Variants in HDAC9 observed in about 807,000 individuals in gnomAD.
The protein encoded by HDAC9 is MEF-2 interacting transcription repressor (MITR) protein.
HDAC9 carries 41 observed loss-of-function variants against 139.4 expected under a neutral mutation model. The ratio of observed to expected loss-of-function variants is 0.29; its 90% CI spans 0.23 to 0.38. HDAC9 has a LOEUF of 0.38. HDAC9 is among the 10% of genes least tolerant of loss of function. HDAC9 has a pLI of 1.00. For missense variants in HDAC9, 1,147 were observed against 1,297.0 expected (o/e 0.88, Z 1.78); for synonymous variants, 517 against 476.2 (o/e 1.09, Z -1.12).
In HDAC9 at chr7:18,647,939, C is replaced by A. The variant is rs767117195; in HGVS notation, c.1190C>A (p.Ala397Asp). Residue 397 changes from alanine (A) to aspartate (D), a missense_variant, in exon 10 of 26, where the codon GCT (alanine) becomes GAT (aspartate). Coordinates refer to ENST00000686413, the MANE Select transcript of HDAC9 (RefSeq NM_178425.4). Reference sequence around the variant, plus strand: ...AAGCCACCCAACAGCAGCCACCAGGCTCTCCTGCAGCATTTATTATTGAAA... The same window carrying A: ...AAGCCACCCAACAGCAGCCACCAGGATCTCCTGCAGCATTTATTATTGAAA... ...EGKPPNSSHQ[A>D]LLQHLLLKEQ... The A allele has an allele frequency of 1.2e-6, 2 of 1,612,584 alleles. No homozygotes were observed. Among genetic ancestry groups the A allele is most frequent in the African/African-American group, 1.3e-5 (1 of 74,906 alleles).
intron 22 of HDAC9, among the ~76,000 whole-genome samples, chr7:18,886,427 T>A (rs572829459): frequency 6.6e-6 from 1 of 152,240 alleles, no homozygotes; most frequent in Non-Finnish European, 1.5e-5. Flanking sequence ...CTGCAGCTAA[T>A]GTGTACTGTA....
At chr7:18,793,595 GATA>G (rs974320972) in intron 17 of HDAC9, 143 bp downstream of exon 17, 5 of 666,026 alleles carry the variant, frequency 7.5e-6, no homozygotes, top group African/African-American at 1.8e-5. Flanking sequence ...ACTAAGGTGT[GATA>G]ATAACTCATC....
chr7:18,559,533 G>T (rs1310596305), intron 2 of HDAC9, among the ~76,000 whole-genome samples: 1 of 152,142 alleles, frequency 6.6e-6, no homozygotes, highest in Non-Finnish European at 1.5e-5. Context: ...TAGGGACATG[G>T]AAGATACTGA....
At chr7:18,354,082 C>G (rs115819569) in intron 1 of HDAC9, among the ~76,000 whole-genome samples, 347 of 151,960 alleles carry the variant, frequency 2.3e-3, no homozygotes, top group African/African-American at 7.9e-3. Context: ...AAAAAAAGCA[C>G]TAAAAAGAAA....
chr7:18,312,180 A>G (rs2128626101), intron 1 of HDAC9, among the ~76,000 whole-genome samples: 1 of 152,274 alleles, frequency 6.6e-6, no homozygotes, highest in South Asian at 2.1e-4. Flanking sequence ...TTTAAATGTG[A>G]TTTAAAAATA....
At chr7:18,725,774 C>T (rs1785497264) in intron 12 of HDAC9, among the ~76,000 whole-genome samples, 1 of 152,112 alleles carries the variant, frequency 6.6e-6, no homozygotes, top group African/African-American at 2.4e-5. Flanking sequence ...ACAGTGAGTT[C>T]CATATGAGGA....
At chr7:18,893,812 C>T (rs1039134211) in intron 22 of HDAC9, among the ~76,000 whole-genome samples, 2 of 152,072 alleles carry the variant, frequency 1.3e-5, no homozygotes, top group Non-Finnish European at 2.9e-5. Context: ...CAGAAATGGC[C>T]TCACTTATAA....
intron 1 of HDAC9, among the ~76,000 whole-genome samples, chr7:18,435,887 G>A (rs977454751): frequency 1.3e-5 from 2 of 148,540 alleles, no homozygotes; most frequent in Admixed American, 6.8e-5. Context: ...ATATATATAT[G>A]TGTATATATA....
intron 1 of HDAC9, among the ~76,000 whole-genome samples, chr7:18,383,081 TA>T (rs890179871): frequency 2.7e-4 from 41 of 152,362 alleles, no homozygotes; most frequent in African/African-American, 8.4e-4. Context: ...AACAAGTTTT[TA>T]AGGAAACTTG....
chr7:18,933,933 A>T (rs1563068081), intron 22 of HDAC9, among the ~76,000 whole-genome samples: 1 of 152,120 alleles, frequency 6.6e-6, no homozygotes, highest in Non-Finnish European at 1.5e-5. Flanking sequence ...GAAGAGGGAA[A>T]GTCTGGAAGA....
intron 1 of HDAC9, among the ~76,000 whole-genome samples, chr7:18,351,692 A>G (rs950548183): frequency 6.6e-6 from 1 of 152,208 alleles, no homozygotes; most frequent in Non-Finnish European, 1.5e-5. Context: ...AAGGTGAATG[A>G]TAGTAAAACT....
chr7:18,744,086 G>A (rs974702892), intron 13 of HDAC9, among the ~76,000 whole-genome samples: 1 of 147,794 alleles, frequency 6.8e-6, no homozygotes, highest in Non-Finnish European at 1.5e-5. Context: ...GCACTCCCAG[G>A]TTCAAGCGAT....
Position 18,168,897 on chromosome 7 carries a change from T to TTGTG in HDAC9, c.25+6575_25+6578dup, listed in dbSNP as rs1201294435. On this transcript the variant is annotated intron_variant, in intron 2 of 12. Coordinates refer to the HDAC9 transcript ENST00000417496. ...ATGTCTTGTTTTTTTTTTTTTTTTT[T>TTGTG]TGTGTGTGTGTGTGTGTGTGTGTGT... Among the ~76,000 whole-genome samples the TTGTG allele has an allele frequency of 4.3e-3, 407 of 94,294 alleles. 6 individuals are homozygous for TTGTG. Among genetic ancestry groups the TTGTG allele is most frequent in the African/African-American group, 0.021 (354 of 17,262 alleles). 61.9% of individuals were successfully genotyped at this position (94,294 alleles called of 152,430 possible).
chr7:18,384,033 A>G (rs1321730749), intron 1 of HDAC9, among the ~76,000 whole-genome samples: 6 of 152,192 alleles, frequency 3.9e-5, no homozygotes, highest in Non-Finnish European at 8.8e-5. Context: ...CACATAGGCC[A>G]GGCATGGTGG....
chr7:18,551,562 A>G (rs1817148853), intron 2 of HDAC9, among the ~76,000 whole-genome samples: 1 of 152,200 alleles, frequency 6.6e-6, no homozygotes, highest in South Asian at 2.1e-4. Context: ...CAAAAGAAGA[A>G]TAAGTATCAA....
At chr7:18,532,796 C>A (rs1280114443) in intron 2 of HDAC9, among the ~76,000 whole-genome samples, 1 of 150,604 alleles carries the variant, frequency 6.6e-6, no homozygotes, top group Non-Finnish European at 1.5e-5. Context: ...GCAGCAACTA[C>A]CTTCAACAGT....
At chr7:18,780,066 C>T (rs1180274592) in intron 16 of HDAC9, among the ~76,000 whole-genome samples, 1 of 151,984 alleles carries the variant, frequency 6.6e-6, no homozygotes, top group Non-Finnish European at 1.5e-5. Flanking sequence ...TTCAGCAGGA[C>T]CAAATGCGAG....
intron 17 of HDAC9, among the ~76,000 whole-genome samples, chr7:18,826,212 G>C (rs1300430991): frequency 2.0e-5 from 3 of 152,124 alleles, no homozygotes; most frequent in African/African-American, 7.2e-5. Context: ...TTACAAGAAA[G>C]TATTGTGGGG....
At chr7:18,594,601 G>A (rs564038139) in intron 6 of HDAC9, among the ~76,000 whole-genome samples, 12 of 151,948 alleles carry the variant, frequency 7.9e-5, no homozygotes, top group African/African-American at 1.7e-4. Context: ...GGGAAATAGC[G>A]CAATTAAGCT....
Sources: gnomAD v4.1 joint callset for allele counts (sites outside exome capture counted in the v4.1 genomes callset) on GRCh38, gnomAD v4.1.1 for gene constraint, MANE v1.5 for transcripts, NCBI Gene and HGNC (gene_info 2026-07-23, HGNC 2026-07-21) for gene names.